CNTNAP2: variants seen among roughly 807,000 people sequenced by gnomAD.
CNTNAP2 encodes contactin associated protein 2.
CNTNAP2 carries 98 observed loss-of-function variants against 155.2 expected under a neutral mutation model. The ratio of observed to expected loss-of-function variants is 0.63; its 90% CI spans 0.54 to 0.75. The LOEUF is 0.75. CNTNAP2 is among the 30% of genes least tolerant of loss of function. CNTNAP2 has a pLI of 0.00. For synonymous variants in CNTNAP2, 651 were observed against 631.2 expected, an observed-to-expected ratio of 1.03 and a Z score of -0.47; for missense variants, 1,727 against 1,688.1, an observed-to-expected ratio of 1.02 and a Z score of -0.40.
intron 10 of CNTNAP2, among the ~76,000 whole-genome samples, chr7:147,420,499 G>T (rs1797272351): frequency 6.6e-6 from 1 of 152,130 alleles, no homozygotes; most frequent in South Asian, 2.1e-4. Context: ...TTCATTGAAT[G>T]ATATTTATTG....
intron 17 of CNTNAP2, among the ~76,000 whole-genome samples, chr7:148,148,015 T>C (rs529126240): frequency 6.7e-6 from 1 of 150,132 alleles, no homozygotes; most frequent in African/African-American, 2.5e-5. Flanking sequence ...GTTTTAGAAG[T>C]GTATAAAGTT....
intron 16 of CNTNAP2, among the ~76,000 whole-genome samples, chr7:148,123,577 T>A (rs1319399260): frequency 6.9e-6 from 1 of 145,164 alleles, no homozygotes; most frequent in African/African-American, 2.6e-5. Context: ...CTAGCCTGAG[T>A]GACAGAGCGA....
At chr7:148,264,486 G>C (rs1796631489) in intron 20 of CNTNAP2, among the ~76,000 whole-genome samples, 1 of 151,422 alleles carries the variant, frequency 6.6e-6, no homozygotes, top group African/African-American at 2.4e-5. Context: ...ATATCATCAA[G>C]TTAAAAAATA....
At chr7:146,482,955 T>A (rs1338264670) in intron 1 of CNTNAP2, among the ~76,000 whole-genome samples, 1 of 151,772 alleles carries the variant, frequency 6.6e-6, no homozygotes, top group East Asian at 2.0e-4. Flanking sequence ...CAATACAATA[T>A]ATTTTATTTG....
chr7:146,834,404 G>A (rs558388550), intron 2 of CNTNAP2, among the ~76,000 whole-genome samples: 192 of 152,194 alleles, frequency 1.3e-3, no homozygotes, highest in African/African-American at 3.7e-3. Flanking sequence ...TACAGCATAC[G>A]TGTGCTCACA....
intron 13 of CNTNAP2, among the ~76,000 whole-genome samples, chr7:147,801,780 C>T (rs541903853): frequency 6.6e-6 from 1 of 152,240 alleles, no homozygotes; most frequent in Non-Finnish European, 1.5e-5. Context: ...ACCCTTCCCC[C>T]CTTTCCATTC....
At chr7:147,210,102 C>T (rs1347979151) in intron 8 of CNTNAP2, among the ~76,000 whole-genome samples, 1 of 151,914 alleles carries the variant, frequency 6.6e-6, no homozygotes, top group African/African-American at 2.4e-5. Context: ...ATGATGCTAG[C>T]TTTGTACAGT....
chr7:147,241,394 G>C (rs1337336671), intron 8 of CNTNAP2, among the ~76,000 whole-genome samples: 1 of 152,062 alleles, frequency 6.6e-6, no homozygotes, highest in Non-Finnish European at 1.5e-5. Flanking sequence ...TTGGGAGGCT[G>C]AGGCAGGTGG....
intron 1 of CNTNAP2, among the ~76,000 whole-genome samples, chr7:146,207,048 T>C (rs957071065): frequency 1.3e-5 from 2 of 151,958 alleles, no homozygotes; most frequent in Non-Finnish European, 2.9e-5. Context: ...GCCTCAAATA[T>C]TCACCCAAAA....
chr7:147,136,110 A>C (rs1260359542), intron 8 of CNTNAP2, among the ~76,000 whole-genome samples: 2 of 151,906 alleles, frequency 1.3e-5, no homozygotes, highest in East Asian at 3.9e-4. Flanking sequence ...CATATTTAGA[A>C]CAATACTCAG....
chr7:148,211,303 T>A (rs184979261), intron 18 of CNTNAP2, among the ~76,000 whole-genome samples: 3 of 152,032 alleles, frequency 2.0e-5, no homozygotes, highest in African/African-American at 7.2e-5. Context: ...TGGGAAGAGG[T>A]AGGAGAGCGC....
chr7:147,251,572 T>A (rs1045695345), intron 8 of CNTNAP2, among the ~76,000 whole-genome samples: 2 of 152,164 alleles, frequency 1.3e-5, no homozygotes, highest in African/African-American at 4.8e-5. Flanking sequence ...CCTCTGGAGC[T>A]TCAGGTAGCT....
chr7:147,732,950 G>A (rs150264064), intron 13 of CNTNAP2, among the ~76,000 whole-genome samples: 82 of 152,262 alleles, frequency 5.4e-4, no homozygotes, highest in African/African-American at 1.9e-3. Flanking sequence ...TGTCAGATGA[G>A]TGGATTGCAA....
At chr7:147,586,837 C>A (rs1038990941) in intron 12 of CNTNAP2, among the ~76,000 whole-genome samples, 2 of 152,146 alleles carry the variant, frequency 1.3e-5, no homozygotes, top group Middle Eastern at 3.4e-3. Context: ...CTAATTCATG[C>A]AAAGACACCA....
intron 8 of CNTNAP2, among the ~76,000 whole-genome samples, chr7:147,156,572 C>T (rs922854287): frequency 4.6e-5 from 7 of 152,168 alleles, no homozygotes; most frequent in African/African-American, 1.7e-4. Context: ...TGCCTTAAAC[C>T]ATTCAATGTG....
chr7:148,368,657 C>T (rs946235253), intron 21 of CNTNAP2, among the ~76,000 whole-genome samples: 4 of 152,314 alleles, frequency 2.6e-5, no homozygotes, highest in East Asian at 1.9e-4. Flanking sequence ...CCGGGAGCAT[C>T]GGCAAGACTC....
chr7:147,636,871 C>T (rs1467684330), intron 12 of CNTNAP2, among the ~76,000 whole-genome samples: 1 of 151,926 alleles, frequency 6.6e-6, no homozygotes, highest in African/African-American at 2.4e-5. Context: ...GAAGAGGAGG[C>T]AGAGAGCAGC....
chr7:146,768,779 T>C (rs920160113), intron 1 of CNTNAP2, among the ~76,000 whole-genome samples: 2 of 152,196 alleles, frequency 1.3e-5, no homozygotes, highest in African/African-American at 4.8e-5. Flanking sequence ...ATTAGGCTTA[T>C]GTTACCAAAT....
chr7:147,432,250 C>T (rs890226955), intron 10 of CNTNAP2, among the ~76,000 whole-genome samples: 2 of 152,126 alleles, frequency 1.3e-5, no homozygotes, highest in Non-Finnish European at 2.9e-5. Context: ...GGCCTATACC[C>T]ACTAGATGGC....
Sources: gnomAD v4.1 joint callset for allele counts (sites outside exome capture counted in the v4.1 genomes callset) on GRCh38, gnomAD v4.1.1 for gene constraint, MANE v1.5 for transcripts, NCBI Gene and HGNC (gene_info 2026-07-23, HGNC 2026-07-21) for gene names.